The following ELAPOR2 variants were observed in gnomAD, a reference collection of about 807,000 sequenced individuals.
ELAPOR2 encodes endosome/lysosome-associated apoptosis and autophagy regulator family member 2.
ELAPOR2 carries 89 observed loss-of-function variants against 120.7 expected under a neutral mutation model. The ratio of observed to expected loss-of-function variants is 0.74; its 90% confidence interval spans 0.62 to 0.88. The LOEUF (loss-of-function observed/expected upper bound fraction) is 0.88. ELAPOR2 is among the 40% of genes least tolerant of loss of function. ELAPOR2 has a pLI of 0.00. For synonymous variants in ELAPOR2, 444 were observed against 444.9 expected, an observed-to-expected ratio of 1.00 and a Z score of 0.03; for missense variants, 1,134 against 1,251.6, an observed-to-expected ratio of 0.91 and a Z score of 1.42.
At chr7:86,946,634 G>C (rs1407978314) in intron 3 of ELAPOR2, among the ~76,000 whole-genome samples, 2 of 152,276 alleles carry the variant, frequency 1.3e-5, no homozygotes, top group East Asian at 1.9e-4. Flanking sequence ...TGATCCGCCT[G>C]CCTCGACCTC....
chr7:87,011,880 A>G (rs1793693602), intron 1 of ELAPOR2, among the ~76,000 whole-genome samples: 1 of 152,250 alleles, frequency 6.6e-6, no homozygotes, highest in African/African-American at 2.4e-5. Flanking sequence ...GAATAGAAAT[A>G]TAAGCTATAA....
intron 1 of ELAPOR2, among the ~76,000 whole-genome samples, chr7:87,043,433 C>T (rs2129016131): frequency 6.6e-6 from 1 of 151,860 alleles, no homozygotes; most frequent in South Asian, 2.1e-4. Context: ...GGGCTTCATT[C>T]CTGGGATGCA....
chr7:86,985,504 G>C (rs1286828899), intron 1 of ELAPOR2, among the ~76,000 whole-genome samples: 2 of 152,136 alleles, frequency 1.3e-5, no homozygotes, highest in African/African-American at 2.4e-5. Context: ...AATCAAGTTG[G>C]CTTCAGCCCT....
At chr7:86,941,366 C>G (rs2116344464) in intron 5 of ELAPOR2, 1 of 532,840 alleles carries the variant, frequency 1.9e-6, no homozygotes, top group East Asian at 5.5e-5. Flanking sequence ...TAATTGCCTT[C>G]AAGCATTTAA....
At chr7:86,955,935 T>G (rs2116434603) in intron 2 of ELAPOR2, among the ~76,000 whole-genome samples, 1 of 126,818 alleles carries the variant, frequency 7.9e-6, no homozygotes, top group South Asian at 2.5e-4. Flanking sequence ...AATAATAGCA[T>G]TAGAAAAGAA....
intron 19 of ELAPOR2, among the ~76,000 whole-genome samples, chr7:86,895,077 A>G (rs188595499): frequency 6.6e-6 from 1 of 152,246 alleles, no homozygotes; most frequent in East Asian, 1.9e-4. Context: ...AATTGTAAAG[A>G]TGGTGTCGGA....
intron 1 of ELAPOR2, among the ~76,000 whole-genome samples, chr7:87,032,239 T>TA (rs1259387245): frequency 6.6e-6 from 1 of 152,188 alleles, no homozygotes; most frequent in African/African-American, 2.4e-5. Context: ...AACTTCTATA[T>TA]AAAATGTCTG....
chr7:86,928,657 A>T (rs1467358312), intron 8 of ELAPOR2, among the ~76,000 whole-genome samples: 1 of 151,996 alleles, frequency 6.6e-6, no homozygotes, highest in African/African-American at 2.4e-5. Flanking sequence ...GTAAAGTAAC[A>T]CCAGTCAACA....
chr7:87,059,369 C>A lies in ELAPOR2; in HGVS notation c.145G>T (p.Asp49Tyr), dbSNP rs1795361233. Residue 49 changes from aspartate (D) to tyrosine (Y), a missense_variant, in exon 1 of 22, where the codon GAC becomes TAC. This residue lies in a region of ELAPOR2 where 280 missense variants were observed against 331.5 expected (regional missense o/e 0.84). Transcript: ENST00000450689. ...GGGCGGCTGGAGGAGGAGGGCAGGT[C>A]CCCAGCCCAGGCCGCCTGGCAGCCG... ...LAGCQAAWAG[D>Y]LPSSSSRPLP... The A allele has an allele frequency of 1.4e-5, 18 of 1,246,490 alleles. No individual in the cohort carries two copies. Among genetic ancestry groups the A allele is most frequent in the South Asian group, 4.1e-5 (1 of 24,406 alleles). The allele number at this position is 1,246,490 out of a possible 1,614,324, so 77.2% of individuals were successfully genotyped here. A position where few individuals can be genotyped will look rare whatever the true frequency, so the allele number is the denominator to read the frequency against.
At chr7:86,939,357 A>C (rs1790705949) in intron 6 of ELAPOR2, among the ~76,000 whole-genome samples, 1 of 152,014 alleles carries the variant, frequency 6.6e-6, no homozygotes, top group African/African-American at 2.4e-5. Context: ...GAATGGCTTG[A>C]CTTCTCCTCT....
intron 1 of ELAPOR2, among the ~76,000 whole-genome samples, chr7:87,031,476 ACAGG>A (rs1467326391): frequency 1.3e-5 from 2 of 152,212 alleles, no homozygotes; most frequent in Admixed American, 6.5e-5. Context: ...TGATCTACAG[ACAGG>A]CAAGTAAGTG....
intron 1 of ELAPOR2, among the ~76,000 whole-genome samples, chr7:86,966,425 T>C (rs1444177777): frequency 6.6e-6 from 1 of 152,200 alleles, no homozygotes; most frequent in Non-Finnish European, 1.5e-5. Context: ...GATACAGACA[T>C]TTTCTGCCAT....
intron 1 of ELAPOR2, among the ~76,000 whole-genome samples, chr7:87,018,771 G>A (rs1793947449): frequency 6.6e-6 from 1 of 152,190 alleles, no homozygotes; most frequent in African/African-American, 2.4e-5. Flanking sequence ...TGTGATATGT[G>A]TCTGTCTCTG....
chr7:87,039,048 CAAAT>C (rs1461540118), intron 1 of ELAPOR2, among the ~76,000 whole-genome samples: 1 of 151,476 alleles, frequency 6.6e-6, no homozygotes, highest in Non-Finnish European at 1.5e-5. Context: ...AAAGAAGATA[CAAAT>C]AAATAAAATC....
At chr7:87,015,790 AC>A (rs1793847840) in intron 1 of ELAPOR2, among the ~76,000 whole-genome samples, 1 of 152,098 alleles carries the variant, frequency 6.6e-6, no homozygotes, top group Admixed American at 6.6e-5. Context: ...ACGCCACTGC[AC>A]TCCAGCCTGG....
rs571413517 is a variant in ELAPOR2 at position 87,049,472 on chromosome 7, C to T, written c.189+9853G>A. Among the ~76,000 whole-genome samples, 12 of 152,074 alleles carry T rather than the reference C, an allele frequency of 7.9e-5. No homozygotes were observed. In the South Asian group the frequency reaches 2.5e-3, roughly 32 times the overall value. On this transcript the variant is annotated intron_variant, in intron 1 of 21. Coordinates refer to ENST00000450689, the MANE Select transcript of ELAPOR2 (RefSeq NM_001142749.3). The stretch of plus-strand genomic sequence containing the variant: ...AATTTTTTGTATTTTTTTGTAGAGA[C>T]GGGGTTTCACCGTGTTAGCTAGGAT...
At chr7:86,894,591 T>G (rs967810203) in intron 19 of ELAPOR2, among the ~76,000 whole-genome samples, 1 of 152,076 alleles carries the variant, frequency 6.6e-6, no homozygotes, top group Non-Finnish European at 1.5e-5. Context: ...GCTTAACTTT[T>G]CAATAAGTGT....
intron 2 of ELAPOR2, among the ~76,000 whole-genome samples, chr7:86,958,373 T>C (rs1791561587): frequency 1.3e-5 from 2 of 152,212 alleles, no homozygotes; most frequent in African/African-American, 4.8e-5. Context: ...CAAGTAAAGA[T>C]TGGCTATTAT....
At chr7:87,020,800 A>G (rs539271623) in intron 1 of ELAPOR2, among the ~76,000 whole-genome samples, 13 of 152,250 alleles carry the variant, frequency 8.5e-5, no homozygotes, top group Admixed American at 8.5e-4. Context: ...GAAATTGTAA[A>G]GAAAAAAGTA....
Sources: gnomAD v4.1 joint callset for allele counts (sites outside exome capture counted in the v4.1 genomes callset) on GRCh38, gnomAD v4.1.1 for gene constraint, gnomAD v4.1.1 regional missense constraint, MANE v1.5 for transcripts, NCBI Gene and HGNC (gene_info 2026-07-23, HGNC 2026-07-21) for gene names.